Variants in USP19 observed in about 807,000 individuals in gnomAD.
The protein encoded by USP19 is ubiquitin specific peptidase 19.
USP19 carries 40 observed loss-of-function variants against 144.8 expected under a neutral mutation model. The observed-to-expected ratio is 0.28, with a 90% CI of 0.21 to 0.36. The LOEUF is 0.36. Ranked by LOEUF, USP19 falls within the 10% of genes least tolerant of loss-of-function variation. USP19 has a pLI of 1.00. For missense variants in USP19, 1,518 were observed against 1,822.5 expected, an observed-to-expected ratio of 0.83 and a Z score of 3.04; for synonymous variants, 701 against 709.3, an observed-to-expected ratio of 0.99 and a Z score of 0.19.
intron 2 of USP19, among the ~76,000 whole-genome samples, 161 bp downstream of exon 2, chr3:49,118,861 C>T (rs1272167145): frequency 1.3e-5 from 2 of 152,216 alleles, no homozygotes; most frequent in African/African-American, 2.4e-5. Context: ...ACTCAGGCTT[C>T]AAAGCTGAGG....
chr3:49,110,697 G>A lies in USP19; in HGVS notation c.3698+14C>T. 6.2e-7 allele frequency: 1 copy of A among 1,613,146 alleles called. No homozygotes were observed. ...CTCACACCCCACCCACAGTTACCAA[G>A]GTCCACTGCTTACCTAACAGGGAAC... On this transcript the variant is annotated intron_variant, in intron 24 of 26. Transcript: ENST00000417901. This position sits in a 1 kb window ranked among gnomAD's most constrained non-coding sequence, Gnocchi z 6.1.
Position 49,116,137 on chromosome 3 carries a change from T to C in USP19, c.1381A>G (p.Thr461Ala). 1 of 1,613,656 alleles carries C rather than the reference T, an allele frequency of 6.2e-7. No individual in the cohort carries two copies. Among genetic ancestry groups the C allele is most frequent in the Non-Finnish European group, 8.5e-7 (1 of 1,179,892 alleles). ...ATGCGAGAAGCCGTGAAACAGAAGG[T>C]GCACTGCTCTGGCTCAATCAGATTC... The part of the protein sequence containing the change: ...LRNLIEPEQC[T>A]FCFTASRIDI... The change falls in exon 10 of 27, where the codon ACC becomes GCC. Residue 461 changes from threonine to alanine, a missense_variant. This residue lies in a region of USP19 where 707 missense variants were observed against 728.9 expected (regional missense o/e 0.97). Transcript: ENST00000417901. This position sits in a 1 kb window ranked among gnomAD's most constrained non-coding sequence, Gnocchi z 5.0.
chr3:49,118,190 A>T (rs1191588297), intron 2 of USP19, 70 bp from the exon 3 acceptor site: 1 of 620,180 alleles, frequency 1.6e-6, no homozygotes, highest in Non-Finnish European at 2.8e-6. Flanking sequence ...GCTTGAGCCC[A>T]GGACTTTGAG....
At position 49,114,136 on chromosome 3, in the gene USP19, C is replaced by T. The variant is rs766827513; in HGVS notation, c.2403+38G>A. Reference sequence around the variant, plus strand: ...GTCAGTGAGGGAGGTGGGCCACGTTCTCTAGAACAGCCCAGAGGGTAGGGG... The same window carrying T: ...GTCAGTGAGGGAGGTGGGCCACGTTTTCTAGAACAGCCCAGAGGGTAGGGG... On this transcript the variant is annotated intron_variant, in intron 16 of 26. Transcript: ENST00000417901. This position sits in a 1 kb window ranked among gnomAD's most constrained non-coding sequence, Gnocchi z 4.5. 5 of 1,614,024 alleles carry T rather than the reference C, an allele frequency of 3.1e-6. No homozygotes were observed. The highest frequency in any genetic ancestry group is 2.7e-5 in the African/African-American group (2 of 74,918).
rs2043790668 is a variant in USP19 at position 49,114,705 on chromosome 3, T to C, written c.2292+58A>G. The C allele has an allele frequency of 3.2e-6, 5 of 1,579,104 alleles. No individual in the cohort carries two copies. Among genetic ancestry groups the C allele is most frequent in the Admixed American group, 1.7e-5 (1 of 59,482 alleles). On this transcript the variant is annotated intron_variant, in intron 15 of 26. Coordinates refer to ENST00000417901, the MANE Select transcript of USP19 (RefSeq NM_001199161.2). The surrounding 1 kb of genome is among the most constrained non-coding windows in gnomAD (Gnocchi z 4.5). ...AAGATGCACATGCCTCTGAACCTAA[T>C]GTGACCAGAATAGCTGAGCTGAACT...
At chr3:49,113,557 C>T (rs1036954563) in intron 17 of USP19, among the ~76,000 whole-genome samples, 1 of 151,732 alleles carries the variant, frequency 6.6e-6, no homozygotes, top group African/African-American at 2.4e-5. Context: ...GGATTACAGG[C>T]ATGAGCCACC....
rs993181313 is a variant in USP19, at chr3:49,115,594, T to C, written c.1738A>G (p.Ser580Gly). 6.2e-7 allele frequency: 1 copy of C among 1,611,370 alleles called. No homozygotes were observed. Among genetic ancestry groups the C allele is most frequent in the Non-Finnish European group, 8.5e-7 (1 of 1,178,696 alleles). ...TCCTCCTCCTCCACGCTGTCTCCAC[T>C]AACTGGGCTGTGGGGCATGGGAGGC... ...MVPPMPHSPV[S>G]GDSVEEEEEE... Residue 580 changes from serine to glycine, a missense_variant, in exon 12 of 27, where the codon AGT (serine) becomes GGT (glycine). By Grantham distance (56) the Ser-to-Gly change is moderately conservative. Transcript: ENST00000417901. This position sits in a 1 kb window ranked among gnomAD's most constrained non-coding sequence, Gnocchi z 6.6.
Position 49,114,885 on chromosome 3 carries a change from A to G in USP19, c.2182-12T>C, listed in dbSNP as rs1221640708. 6.2e-7 allele frequency: 1 copy of G among 1,614,158 alleles called. No homozygotes were observed. Among genetic ancestry groups the G allele is most frequent in the Non-Finnish European group, 8.5e-7 (1 of 1,180,002 alleles). ...TCCTCAGCTACCACCTGAGAGGCAG[A>G]GTGGTGAGAACCAAAGAGTACCAGG... On this transcript the variant is annotated splice_polypyrimidine_tract_variant and intron_variant, in intron 14 of 26. Transcript: ENST00000417901. This position sits in a 1 kb window ranked among gnomAD's most constrained non-coding sequence, Gnocchi z 4.5.
rs200806316 is a variant in USP19, at chr3:49,113,983, C to A, written c.2505+9G>T. On this transcript the variant is annotated intron_variant, in intron 17 of 26. Coordinates refer to ENST00000417901, the MANE Select transcript of USP19 (RefSeq NM_001199161.2). ...ACACATGTGATAGCCCAAGGAAGGA[C>A]AAAGATACCTCCGCCAAACGCAGGT... 2 of 1,613,916 alleles carry A rather than the reference C, an allele frequency of 1.2e-6. No homozygotes were observed. Among genetic ancestry groups the A allele is most frequent in the Non-Finnish European group, 1.7e-6 (2 of 1,179,996 alleles).
In USP19 at chr3:49,119,061, G is replaced by C. The variant is rs760477142; in HGVS notation, c.85C>G (p.Arg29Gly). ...CCATCCTTGCTCTCCTGGTTTGCTCGATCCTTCTGCTTCTTCTTACTAGTG... is the reference window on the plus strand; with the variant it reads ...CCATCCTTGCTCTCCTGGTTTGCTCCATCCTTCTGCTTCTTCTTACTAGTG... ...DTTSKKKQKD[R>G]ANQESKDGDP... Residue 29 changes from arginine (R) to glycine (G), a missense_variant, in exon 2 of 27, where the codon CGA becomes GGA. Around this residue, in one of 5 missense-constraint regions of USP19, gnomAD observed 707 missense variants for 728.9 expected, o/e 0.97. Coordinates refer to ENST00000417901, the MANE Select transcript of USP19 (RefSeq NM_001199161.2). The C allele has an allele frequency of 6.2e-7, 1 of 1,614,182 alleles. No individual in the cohort carries two copies. The highest frequency in any genetic ancestry group is 1.1e-5 in the South Asian group (1 of 91,078).
chr3:49,118,575 A>G (rs1328490499), intron 2 of USP19, among the ~76,000 whole-genome samples: 3 of 146,526 alleles, frequency 2.0e-5, no homozygotes, highest in East Asian at 4.0e-4. Flanking sequence ...AGAGTGAGAC[A>G]TTGTCTCAAA....
rs1198233640 is a variant in USP19, at chr3:49,111,906, C to T, written c.2903+5G>A. 1 of 1,613,934 alleles carries T rather than the reference C, an allele frequency of 6.2e-7. No individual in the cohort carries two copies. Among genetic ancestry groups the T allele is most frequent in the East Asian group, 2.2e-5 (1 of 44,892 alleles). ...ACCACTCTAGTCCAACCACTGGGCA[C>T]TTACCGGGCATAGCCCTCTAGCAAC... On this transcript the variant is annotated splice_donor_5th_base_variant and intron_variant, in intron 20 of 26. Coordinates refer to ENST00000417901, the MANE Select transcript of USP19 (RefSeq NM_001199161.2). This position sits in a 1 kb window ranked among gnomAD's most constrained non-coding sequence, Gnocchi z 5.9.
Position 49,108,460 on chromosome 3 carries a change from AGGG to A in USP19, c.4104_4106del (p.Pro1369del), listed in dbSNP as rs748599651. ...TGTAGGTGGGGGCTGGCCGATCCAC[AGGG>A]GGGGCGAAGCGTTCAGGGGCTGTCC... On this transcript the variant is annotated inframe_deletion, in exon 27 of 27. Transcript: ENST00000417901. The surrounding 1 kb of genome is among the most constrained non-coding windows in gnomAD (Gnocchi z 4.8). 1 of 1,346,680 alleles carries A rather than the reference AGGG, an allele frequency of 7.4e-7. No homozygotes were observed. The highest frequency in any genetic ancestry group is 9.6e-7 in the Non-Finnish European group (1 of 1,037,250). 83.4% of individuals were successfully genotyped at this position (1,346,680 alleles called of 1,614,324 possible).
Position 49,115,190 on chromosome 3 carries a change from G to A in USP19, c.2022+38C>T, listed in dbSNP as rs773396082. 29 of 1,612,448 alleles carry A rather than the reference G, an allele frequency of 1.8e-5. No homozygotes were observed. Among genetic ancestry groups the A allele is most frequent in the Middle Eastern group, 1.6e-4 (1 of 6,082 alleles). ...CACACCCAGCTGGCTGGCCCTCCCC[G>A]CCCCCTCCAGCCAAGGGTGACAGTG... is the stretch of plus-strand genomic sequence containing the variant. On this transcript the variant is annotated intron_variant, in intron 13 of 26. Coordinates refer to ENST00000417901, the MANE Select transcript of USP19 (RefSeq NM_001199161.2). This position sits in a 1 kb window ranked among gnomAD's most constrained non-coding sequence, Gnocchi z 6.6.
chr3:49,114,672 A>G lies in USP19; in HGVS notation c.2292+91T>C, dbSNP rs1163056765. On this transcript the variant is annotated intron_variant, in intron 15 of 26. Coordinates refer to ENST00000417901, the MANE Select transcript of USP19 (RefSeq NM_001199161.2). The surrounding 1 kb of genome is among the most constrained non-coding windows in gnomAD (Gnocchi z 4.5). ...CTTCTTTGCCCAAACCTTGCCCTGT[A>G]GCACCTTAAGATGCACATGCCTCTG... 9 of 1,398,978 alleles carry G rather than the reference A, an allele frequency of 6.4e-6. No individual in the cohort carries two copies. In the East Asian group the frequency reaches 1.4e-4, roughly 22 times the overall value. 86.7% of individuals were successfully genotyped at this position (1,398,978 alleles called of 1,614,324 possible).
Position 49,108,664 on chromosome 3 carries a change from G to A in USP19, c.4039-136C>T. On this transcript the variant is annotated intron_variant, in intron 26 of 26. Coordinates refer to ENST00000417901, the MANE Select transcript of USP19 (RefSeq NM_001199161.2). This position sits in a 1 kb window ranked among gnomAD's most constrained non-coding sequence, Gnocchi z 4.8. ...CAGACAGCAGCGGCGTTGAGACAGA[G>A]AGACGAGATTGGGCCTGAATAGTCT... The A allele has an allele frequency of 7.7e-7, 1 of 1,292,874 alleles. No homozygotes were observed. The highest frequency in any genetic ancestry group is 9.8e-7 in the Non-Finnish European group (1 of 1,020,028). 80.1% of individuals were successfully genotyped at this position (1,292,874 alleles called of 1,614,324 possible).
At position 49,110,937 on chromosome 3, in the gene USP19, GCT is replaced by G; in HGVS notation, c.3545+11_3545+12del. On this transcript the variant is annotated intron_variant, in intron 23 of 26. Transcript: ENST00000417901. This position sits in a 1 kb window ranked among gnomAD's most constrained non-coding sequence, Gnocchi z 6.1. ...CATCCTGCCCCCTTATCTACTTGCT[GCT>G]CTGTTCTCACCAGGCCTCCTCGGGT... is the stretch of plus-strand genomic sequence containing the variant. The G allele has an allele frequency of 1.2e-6, 2 of 1,614,022 alleles. No homozygotes were observed. Among genetic ancestry groups the G allele is most frequent in the Non-Finnish European group, 8.5e-7 (1 of 1,179,992 alleles).
Position 49,111,955 on chromosome 3 carries a change from G to A in USP19, c.2859C>T (p.Arg953=). Residue 953 remains arginine, a synonymous_variant, in exon 20 of 27, where the codon CGC becomes CGT. Transcript: ENST00000417901. This position sits in a 1 kb window ranked among gnomAD's most constrained non-coding sequence, Gnocchi z 5.9. ...YPFLVSVPAS[R]LTYARLAQLL... ...ACTGAGCGAGGCGGGCATAAGTGAG[G>A]CGTGAGGCAGGTACACTGACCAGGA... The A allele has an allele frequency of 1.2e-6, 2 of 1,614,090 alleles. No homozygotes were observed. Among genetic ancestry groups the A allele is most frequent in the South Asian group, 1.1e-5 (1 of 91,092 alleles).
At position 49,110,588 on chromosome 3, in the gene USP19, T is replaced by C; in HGVS notation, c.3715A>G (p.Lys1239Glu). The part of the protein sequence containing the change: ...EFPVRNLDLS[K>E]FCIGQKEEQL... ...TCCTCTTTCTGACCAATGCAGAACT[T>C]GCTCAGGTCCAGGTTCCTGCAGGTC... The change falls in exon 25 of 27, where the codon AAG becomes GAG. Residue 1239 changes from lysine to glutamate, a missense_variant. Lys to Glu is a moderately conservative substitution (Grantham distance 56). Transcript: ENST00000417901. This position sits in a 1 kb window ranked among gnomAD's most constrained non-coding sequence, Gnocchi z 6.1. 1 of 1,613,948 alleles carries C rather than the reference T, an allele frequency of 6.2e-7. No individual in the cohort carries two copies.
Sources: allele counts gnomAD v4.1 joint callset (sites outside exome capture counted in the v4.1 genomes callset), GRCh38; gene constraint gnomAD v4.1.1; regional missense constraint gnomAD v4.1.1; non-coding constraint Gnocchi (gnomAD v3.1); transcripts MANE v1.5; gene names NCBI Gene and HGNC (gene_info 2026-07-23, HGNC 2026-07-21).